Variants in IFFO2 observed in about 807,000 individuals in gnomAD.
The protein encoded by IFFO2 is intermediate filament family orphan 2.
Under a neutral mutation model 53.5 loss-of-function variants are expected in IFFO2, and 19 were observed. That is an observed-to-expected ratio of 0.36 (90% CI 0.25 to 0.52). The LOEUF (loss-of-function observed/expected upper bound fraction) is 0.52. Among genes scored for constraint, IFFO2 ranks in the 20% least tolerant of loss-of-function variants. The pLI is 0.94. For missense variants in IFFO2, 570 were observed against 727.4 expected (o/e 0.78, Z 2.49); for synonymous variants, 303 against 313.6 (o/e 0.97, Z 0.36).
At chr1:18,923,797 C>G (rs1306787647) in intron 1 of IFFO2, among the ~76,000 whole-genome samples, 3 of 152,142 alleles carry the variant, frequency 2.0e-5, no homozygotes, top group Admixed American at 6.5e-5. Context: ...AGGGCTGGGG[C>G]AGACAGCTCC....
chr1:18,933,114 T>C (rs558529504), intron 1 of IFFO2, among the ~76,000 whole-genome samples: 19 of 152,390 alleles, frequency 1.2e-4, no homozygotes, highest in Middle Eastern at 6.8e-3. Flanking sequence ...AAGAGTATTC[T>C]CTTCCTGCTG....
rs866237800 is a variant in IFFO2 at position 18,906,244 on chromosome 1, T to C, written c.*2317A>G. On this transcript the variant is annotated 3_prime_UTR_variant, in exon 9 of 9. Transcript: ENST00000455833. ...TTTCTGGCTCCTGCAGTTTTCAAAC[T>C]CCCTAGAGTACCCTAGTCCTCAAAG... 17 of 152,140 alleles carry C rather than the reference T, an allele frequency of 1.1e-4. No individual in the cohort carries two copies. The highest frequency in any genetic ancestry group is 3.9e-4 in the African/African-American group (16 of 41,426). The allele number at this position is 152,140 out of a possible 1,614,324, so 9.4% of individuals were successfully genotyped here.
At chr1:18,922,407 A>G (rs58957999) in intron 1 of IFFO2, among the ~76,000 whole-genome samples, 49,474 of 152,076 alleles carry the variant, frequency 0.33, 10,631 homozygotes, top group African/African-American at 0.61. Context: ...GGATGCTGTC[A>G]GGGCCAGCTA....
At chr1:18,929,860 A>G (rs897753326) in intron 1 of IFFO2, among the ~76,000 whole-genome samples, 2 of 152,156 alleles carry the variant, frequency 1.3e-5, no homozygotes, top group Admixed American at 1.3e-4. Context: ...CAGTAATGCA[A>G]TGATGTCAAA....
intron 5 of IFFO2, among the ~76,000 whole-genome samples, chr1:18,914,941 C>T (rs1039753367): frequency 2.0e-5 from 3 of 151,838 alleles, no homozygotes; most frequent in African/African-American, 7.3e-5. Context: ...AAATAGCAAA[C>T]CCCCAAAATA....
Position 18,955,682 on chromosome 1 carries a change from G to A in IFFO2, c.651C>T (p.Asp217=), listed in dbSNP as rs988374005. The change falls in exon 1 of 9, where the codon GAC becomes GAT. Residue 217 remains aspartate (D), a synonymous_variant. Transcript: ENST00000455833. ...CGGCCACTCACCTCCGCTTATACTC[G>A]TCGCGCTCGCGCTTCACCTTGGCCA... The part of the protein sequence containing the change: ...NVLAKVKRER[D]EYKRRWEEEL... 2 of 1,586,964 alleles carry A rather than the reference G, an allele frequency of 1.3e-6. No individual in the cohort carries two copies. Among genetic ancestry groups the A allele is most frequent in the African/African-American group, 1.4e-5 (1 of 73,520 alleles).
intron 1 of IFFO2, among the ~76,000 whole-genome samples, chr1:18,937,783 C>A (rs1307107343): frequency 2.0e-5 from 3 of 152,226 alleles, no homozygotes; most frequent in African/African-American, 7.2e-5. Flanking sequence ...GAGGGCAGAG[C>A]CTTGGGGCTC....
At chr1:18,931,782 G>A (rs1257303308) in intron 1 of IFFO2, among the ~76,000 whole-genome samples, 1 of 152,170 alleles carries the variant, frequency 6.6e-6, no homozygotes, top group Non-Finnish European at 1.5e-5. Context: ...CCAAGCCTGG[G>A]CAGCCTCTCT....
At chr1:18,915,655 C>CT (rs954704470) in intron 5 of IFFO2, among the ~76,000 whole-genome samples, 7 of 152,138 alleles carry the variant, frequency 4.6e-5, no homozygotes, top group Non-Finnish European at 1.0e-4. Context: ...GTTTCCCTGT[C>CT]TACAAAAGGG....
chr1:18,955,431 A>T (rs1334356276), intron 1 of IFFO2, among the ~76,000 whole-genome samples: 1 of 152,198 alleles, frequency 6.6e-6, no homozygotes, highest in African/African-American at 2.4e-5. Context: ...CCTAGAAAAC[A>T]ATGTGCCTCA....
intron 1 of IFFO2, among the ~76,000 whole-genome samples, chr1:18,940,574 T>TGGAC (rs1936507220): frequency 2.7e-5 from 4 of 150,668 alleles, no homozygotes; most frequent in Non-Finnish European, 5.9e-5. Flanking sequence ...GATGGATGGA[T>TGGAC]GGATGGATGG....
In IFFO2 at chr1:18,956,345, C is replaced by T; in HGVS notation, c.-13G>A. On this transcript the variant is annotated 5_prime_UTR_variant, in exon 1 of 9. Transcript: ENST00000455833. The surrounding 1 kb of genome is among the most constrained non-coding windows in gnomAD (Gnocchi z 6.4). ...GCGAGTTCACCATGCGCCGGCTGCG[C>T]GGCTCAGGGCCCCGGGCCCGCGGCT... is the stretch of plus-strand genomic sequence containing the variant. 3.6e-6 allele frequency: 1 copy of T among 275,430 alleles called. No individual in the cohort carries two copies. Among genetic ancestry groups the T allele is most frequent in the Non-Finnish European group, 5.9e-6 (1 of 168,106 alleles). The allele number at this position is 275,430 out of a possible 1,614,324, so 17.1% of individuals were successfully genotyped here.
chr1:18,924,169 A>C (rs534604127), intron 1 of IFFO2, among the ~76,000 whole-genome samples: 3 of 152,190 alleles, frequency 2.0e-5, no homozygotes, highest in African/African-American at 7.2e-5. Flanking sequence ...AGTGTTGACA[A>C]TGCAGAAAAG....
chr1:18,924,730 G>A (rs940489792), intron 1 of IFFO2, among the ~76,000 whole-genome samples: 17 of 152,306 alleles, frequency 1.1e-4, no homozygotes, highest in African/African-American at 3.8e-4. Flanking sequence ...GGGGCACAAA[G>A]GCCATTTTCC....
chr1:18,913,307 G>A (rs1314122365), intron 5 of IFFO2, among the ~76,000 whole-genome samples: 2 of 152,270 alleles, frequency 1.3e-5, no homozygotes, highest in African/African-American at 4.8e-5. Flanking sequence ...CTGGTAGGGG[G>A]TGGGTGCTGG....
At position 18,926,410 on chromosome 1, in the gene IFFO2, C is replaced by T. The variant is rs546057890; in HGVS notation, c.666-5289G>A. 2.6e-5 allele frequency among the ~76,000 whole-genome samples: 4 copies of T among 152,284 alleles called. No individual in the cohort carries two copies. The South Asian group carries it at 8.3e-4, about 32-fold the overall frequency. ...GAAACCTTCCCTTTCCCACTTCCCACAGCCCTGGGCCAGGGAGGGGAGGCA... is the reference window on the plus strand; with the variant it reads ...GAAACCTTCCCTTTCCCACTTCCCATAGCCCTGGGCCAGGGAGGGGAGGCA... On this transcript the variant is annotated intron_variant, in intron 1 of 8. Coordinates refer to ENST00000455833, the MANE Select transcript of IFFO2 (RefSeq NM_001136265.2).
chr1:18,911,958 C>A lies in IFFO2; in HGVS notation c.1224+5G>T. 4 of 1,551,602 alleles carry A rather than the reference C, an allele frequency of 2.6e-6. No individual in the cohort carries two copies. The South Asian group carries it at 4.8e-5, about 18-fold the overall frequency. On this transcript the variant is annotated splice_donor_5th_base_variant and intron_variant, in intron 6 of 8. Coordinates refer to ENST00000455833, the MANE Select transcript of IFFO2 (RefSeq NM_001136265.2). Reference sequence around the variant, plus strand: ...GGCCTTTGGGAAGCCAGGCGCTGGGCTTACCTCGCCCTGCAGGTCGATGGT... The same window carrying A: ...GGCCTTTGGGAAGCCAGGCGCTGGGATTACCTCGCCCTGCAGGTCGATGGT...
chr1:18,918,331 G>C lies in IFFO2; in HGVS notation c.963+31C>G, dbSNP rs773578021. The C allele has an allele frequency of 6.5e-7, 1 of 1,541,050 alleles. No individual in the cohort carries two copies. The highest frequency in any genetic ancestry group is 1.2e-5 in the South Asian group (1 of 83,812). ...CAGGGCTGCTCTGGGAGAGTGGGGG[G>C]TTGGCTGGTGAGCAGGGCAGCCCTA... On this transcript the variant is annotated intron_variant, in intron 4 of 8. Transcript: ENST00000455833. This position sits in a 1 kb window ranked among gnomAD's most constrained non-coding sequence, Gnocchi z 5.2.
chr1:18,920,372 T>C (rs1557641347), intron 2 of IFFO2, among the ~76,000 whole-genome samples: 1 of 152,278 alleles, frequency 6.6e-6, no homozygotes, highest in East Asian at 1.9e-4. Flanking sequence ...TTAATCTGTC[T>C]CTAACTGTCT....
Sources: gnomAD v4.1 joint callset for allele counts (sites outside exome capture counted in the v4.1 genomes callset) on GRCh38, gnomAD v4.1.1 for gene constraint, Gnocchi (gnomAD v3.1) non-coding constraint, MANE v1.5 for transcripts, NCBI Gene and HGNC (gene_info 2026-07-23, HGNC 2026-07-21) for gene names.